The following GREB1 variants were observed in gnomAD, a reference collection of about 807,000 sequenced individuals.
The protein encoded by GREB1 is protein GREB1.
In GREB1, 106 loss-of-function variants were observed where a neutral mutation model predicts 200.7. The observed-to-expected ratio is 0.53, with a 90% CI of 0.45 to 0.62. The LOEUF (loss-of-function observed/expected upper bound fraction) is 0.62. GREB1 is among the 20% of genes least tolerant of loss of function. The probability of loss-of-function intolerance (pLI) is 0.00; values close to 1 mark genes in which losing one functional copy is unlikely to be tolerated. For missense variants in GREB1, 2,243 were observed against 2,556.8 expected (o/e 0.88, Z 2.65); for synonymous variants, 1,132 against 1,092.4 (o/e 1.04, Z -0.72).
chr2:11,595,998 C>G, intron 12 of GREB1, 113 bp from the exon 13 acceptor site: 1 of 1,037,750 alleles, frequency 9.6e-7, no homozygotes, highest in Non-Finnish European at 1.4e-6. Flanking sequence ...ATGTCCTCCT[C>G]TTTACCTTCA....
rs193013623 is a variant in GREB1 at position 11,622,001 on chromosome 2, T to A, written c.4147+994T>A. ...TTGTTCAGTGTTAAAGCCCATTCTT[T>A]AAATCTTATCTCTTTTGTTGAATAG... is the stretch of plus-strand genomic sequence containing the variant. On this transcript the variant is annotated intron_variant, in intron 23 of 32. Transcript: ENST00000381486. Among the ~76,000 whole-genome samples the A allele has an allele frequency of 9.2e-5, 14 of 152,390 alleles. No homozygotes were observed. In the East Asian group the frequency reaches 2.5e-3, roughly 27 times the overall value.
chr2:11,639,952 A>C (rs1204814180), intron 32 of GREB1, among the ~76,000 whole-genome samples: 1 of 151,684 alleles, frequency 6.6e-6, no homozygotes, highest in Non-Finnish European at 1.5e-5. Flanking sequence ...AAGGTGGGGT[A>C]GGTAGGGTGG....
intron 12 of GREB1, 43 bp downstream of exon 12, chr2:11,595,422 G>A (rs1405411220): frequency 1.9e-5 from 30 of 1,591,832 alleles, no homozygotes; most frequent in Admixed American, 5.0e-5. Flanking sequence ...ATGTTAATAG[G>A]ACAGTAATCA....
At chr2:11,508,744 A>G (rs1420336528) in intron 1 of GREB1, among the ~76,000 whole-genome samples, 1 of 152,114 alleles carries the variant, frequency 6.6e-6, no homozygotes, top group East Asian at 1.9e-4. Flanking sequence ...GATCCACAGC[A>G]TTTCAAATCA....
chr2:11,552,322 CA>C (rs1675935956), intron 1 of GREB1, among the ~76,000 whole-genome samples: 1 of 152,194 alleles, frequency 6.6e-6, no homozygotes, highest in Non-Finnish European at 1.5e-5. Flanking sequence ...AGGCAGTCTG[CA>C]GAGTTGAATA....
At chr2:11,523,490 C>A (rs1240619687) in intron 1 of GREB1, among the ~76,000 whole-genome samples, 1 of 152,150 alleles carries the variant, frequency 6.6e-6, no homozygotes, top group African/African-American at 2.4e-5. Flanking sequence ...GGTAGATGGT[C>A]CATAAAACTC....
intron 1 of GREB1, among the ~76,000 whole-genome samples, chr2:11,524,111 A>T (rs1673794270): frequency 6.6e-6 from 1 of 152,214 alleles, no homozygotes; most frequent in Non-Finnish European, 1.5e-5. Context: ...GCAAATTTGT[A>T]CTCCTTGTAA....
At chr2:11,600,730 C>A in intron 15 of GREB1, 70 bp from the exon 16 acceptor site, 2 of 1,260,188 alleles carry the variant, frequency 1.6e-6, no homozygotes, top group Non-Finnish European at 2.3e-6. Context: ...TAAATTTATT[C>A]AACTGCTTCA....
In GREB1 at chr2:11,640,401, G is replaced by A. The variant is rs1219740376; in HGVS notation, c.5797G>A (p.Ala1933Thr). 1 of 1,614,092 alleles carries A rather than the reference G, an allele frequency of 6.2e-7. No individual in the cohort carries two copies. The highest frequency in any genetic ancestry group is 8.5e-7 in the Non-Finnish European group (1 of 1,180,036). Residue 1933 changes from alanine (A) to threonine (T), a missense_variant, in exon 33 of 33, where the codon GCC becomes ACC. Physicochemically the swap from Ala to Thr is moderately conservative, Grantham distance 58 (BLOSUM62 0). Coordinates refer to ENST00000381486, the MANE Select transcript of GREB1 (RefSeq NM_014668.4). This position sits in a 1 kb window ranked among gnomAD's most constrained non-coding sequence, Gnocchi z 4.6. ...QFRLRDEFQT[A>T]NAREDRPLFF... is the part of the protein sequence containing the mutation. ...CCGGCTGCGCGATGAGTTCCAGACCGCCAATGCCAGGGAAGACCGGCCGCT... is the reference window on the plus strand; with the variant it reads ...CCGGCTGCGCGATGAGTTCCAGACCACCAATGCCAGGGAAGACCGGCCGCT...
Position 11,635,370 on chromosome 2 carries a change from G to A in GREB1, c.5311G>A (p.Val1771Met), listed in dbSNP as rs1458437279. Residue 1771 changes from valine (V) to methionine (M), a missense_variant, in exon 30 of 33, where the codon GTG becomes ATG. Val to Met is a conservative substitution (Grantham distance 21, BLOSUM62 1). This residue lies in a region of GREB1 where 478 missense variants were observed against 616.3 expected (regional missense o/e 0.78). Transcript: ENST00000381486. ...CAGCGTGATGAAGAAGCAGATCGTG[G>A]TGGGCGGCCACAGGTCCTTCCACAT... ...RFSVMKKQIV[V>M]GGHRSFHITS... 3.1e-6 allele frequency: 5 copies of A among 1,613,656 alleles called. No individual in the cohort carries two copies. The South Asian group carries it at 3.3e-5, about 11-fold the overall frequency.
chr2:11,627,523 C>T (rs1684565944), intron 25 of GREB1, among the ~76,000 whole-genome samples: 1 of 152,154 alleles, frequency 6.6e-6, no homozygotes, highest in African/African-American at 2.4e-5. Flanking sequence ...ATGAAGCAGG[C>T]AAAAGGAGTA....
chr2:11,483,990 C>G (rs1672585279), intron 1 of GREB1, among the ~76,000 whole-genome samples: 1 of 152,162 alleles, frequency 6.6e-6, no homozygotes, highest in Non-Finnish European at 1.5e-5. Flanking sequence ...AATAAACACT[C>G]TTTTATTCCC....
chr2:11,580,194 CAG>C lies in GREB1; in HGVS notation c.773-509_773-508del, dbSNP rs755699758. 1.4e-4 allele frequency among the ~76,000 whole-genome samples: 21 copies of C among 152,292 alleles called. No individual in the cohort carries two copies. The highest frequency in any genetic ancestry group is 1.4e-3 in the East Asian group (7 of 5,178). On this transcript the variant is annotated intron_variant, in intron 6 of 32. Transcript: ENST00000381486. The surrounding 1 kb of genome is among the most constrained non-coding windows in gnomAD (Gnocchi z 4.5). ...CTCCCGCCAGGTCCCTCCCACGACA[CAG>C]GGGGATTATGGGAGCTGCAATTCAA...
chr2:11,639,195 T>A (rs1366601868), intron 32 of GREB1, among the ~76,000 whole-genome samples: 1 of 152,248 alleles, frequency 6.6e-6, no homozygotes, highest in Non-Finnish European at 1.5e-5. Flanking sequence ...GTTCAAGTGA[T>A]TCTCGTGCCT....
chr2:11,587,614 C>T (rs1680255343), intron 9 of GREB1: 1 of 1,451,794 alleles, frequency 6.9e-7, no homozygotes, highest in African/African-American at 1.4e-5. Context: ...CCGAGCCCAG[C>T]AGGACATCTG....
chr2:11,557,873 G>A (rs769091770), intron 2 of GREB1, among the ~76,000 whole-genome samples: 21 of 152,252 alleles, frequency 1.4e-4, no homozygotes, highest in African/African-American at 1.9e-4. Context: ...CATGGGAGAC[G>A]TCACTGTGAT....
intron 9 of GREB1, chr2:11,587,774 G>T: frequency 8.9e-7 from 1 of 1,118,368 alleles, no homozygotes; most frequent in South Asian, 3.5e-5. Flanking sequence ...GCCCCGAGAG[G>T]ATTTGATAGC....
intron 1 of GREB1, among the ~76,000 whole-genome samples, chr2:11,525,558 T>C (rs1322360322): frequency 1.3e-5 from 2 of 151,904 alleles, no homozygotes; most frequent in Non-Finnish European, 1.5e-5. Flanking sequence ...CCTGTTTCCT[T>C]TTGGAATGAC....
chr2:11,597,658 T>C lies in GREB1; in HGVS notation c.1955-123T>C, dbSNP rs1681391226. The C allele has an allele frequency of 1.2e-6, 1 of 812,132 alleles. No individual in the cohort carries two copies. Among genetic ancestry groups the C allele is most frequent in the South Asian group, 1.5e-5 (1 of 66,230 alleles). 50.3% of individuals were successfully genotyped at this position (812,132 alleles called of 1,614,324 possible). Reference sequence around the variant, plus strand: ...TTGATAAACGTGAGTTATTCCCCTTTCCCTCATCGCTTTGTGAATGGGGCC... The same window carrying C: ...TTGATAAACGTGAGTTATTCCCCTTCCCCTCATCGCTTTGTGAATGGGGCC... On this transcript the variant is annotated intron_variant, in intron 13 of 32. Transcript: ENST00000381486. The surrounding 1 kb of genome is among the most constrained non-coding windows in gnomAD (Gnocchi z 4.1).
Sources: gnomAD v4.1 joint callset for allele counts (sites outside exome capture counted in the v4.1 genomes callset) on GRCh38, gnomAD v4.1.1 for gene constraint, gnomAD v4.1.1 regional missense constraint, Gnocchi (gnomAD v3.1) non-coding constraint, MANE v1.5 for transcripts, NCBI Gene and HGNC (gene_info 2026-07-23, HGNC 2026-07-21) for gene names.